Variants in PPP2R2B observed in about 807,000 individuals in gnomAD.
PPP2R2B encodes serine/threonine-protein phosphatase 2A 55 kDa regulatory subunit B beta isoform.
PPP2R2B carries 5 observed loss-of-function variants against 46.0 expected under a neutral mutation model. The observed-to-expected ratio is 0.11, with a 90% CI of 0.06 to 0.23. The LOEUF is 0.23. Among genes scored for constraint, PPP2R2B ranks in the 10% least tolerant of loss-of-function variants. The pLI, the probability that PPP2R2B is intolerant of heterozygous loss-of-function variation, is 1.00. For synonymous variants in PPP2R2B, 215 were observed against 206.7 expected, an observed-to-expected ratio of 1.04 and a Z score of -0.34; for missense variants, 367 against 575.0, an observed-to-expected ratio of 0.64 and a Z score of 3.70.
intron 1 of PPP2R2B, among the ~76,000 whole-genome samples, chr5:146,912,258 A>T (rs1582410108): frequency 6.6e-6 from 1 of 151,284 alleles, no homozygotes. Flanking sequence ...AAAAAAAAAA[A>T]AAAGTTCCCT....
chr5:146,720,928 CTT>C (rs1356333390), intron 2 of PPP2R2B, among the ~76,000 whole-genome samples: 3 of 152,166 alleles, frequency 2.0e-5, no homozygotes, highest in African/African-American at 7.2e-5. Context: ...TCTCTTGAGA[CTT>C]TTCATGATAA....
At chr5:146,881,527 G>A (rs1762168156), upstream of PPP2R2B, among the ~76,000 whole-genome samples, 2 of 151,944 alleles carry the variant, frequency 1.3e-5, no homozygotes, top group Non-Finnish European at 2.9e-5. Flanking sequence ...AGTCTCATGC[G>A]TCAGACTCCT....
At chr5:146,836,321 A>G (rs1759280545) in intron 2 of PPP2R2B, among the ~76,000 whole-genome samples, 1 of 152,162 alleles carries the variant, frequency 6.6e-6, no homozygotes. Flanking sequence ...CTTACAATGT[A>G]CAGTTTGGCT....
chr5:146,845,054 T>C (rs1189804765), intron 2 of PPP2R2B, among the ~76,000 whole-genome samples: 1 of 152,180 alleles, frequency 6.6e-6, no homozygotes, highest in Non-Finnish European at 1.5e-5. Flanking sequence ...CCTCACCAGC[T>C]TTCAGCCATG....
intron 5 of PPP2R2B, among the ~76,000 whole-genome samples, chr5:146,677,626 C>G (rs1268049056): frequency 6.9e-6 from 1 of 145,032 alleles, no homozygotes; most frequent in Non-Finnish European, 1.5e-5. Flanking sequence ...GCACCAGGCT[C>G]AAGTAGTTCT....
chr5:146,832,702 T>C (rs1183092056), intron 2 of PPP2R2B, among the ~76,000 whole-genome samples: 2 of 152,064 alleles, frequency 1.3e-5, no homozygotes, highest in African/African-American at 2.4e-5. Context: ...TTTTTAATCA[T>C]TTATATCATA....
rs370335974 is a variant in PPP2R2B, at chr5:146,816,026, G to A, written c.70+61976C>T. On this transcript the variant is annotated intron_variant, in intron 2 of 9. Coordinates refer to ENST00000394411, the MANE Select transcript of PPP2R2B (RefSeq NM_181675.4). ...GCTCCAGATTAAAGTTCTTTCAGCCGTTCCTAATATCAAGATTATGAAACC... is the reference window on the plus strand; with the variant it reads ...GCTCCAGATTAAAGTTCTTTCAGCCATTCCTAATATCAAGATTATGAAACC... Among the ~76,000 whole-genome samples, 23 of 152,180 alleles carry A rather than the reference G, an allele frequency of 1.5e-4. No individual in the cohort carries two copies. In the South Asian group the frequency reaches 2.1e-3, roughly 14 times the overall value.
intron 2 of PPP2R2B, among the ~76,000 whole-genome samples, chr5:146,764,856 A>T (rs1012533282): frequency 6.6e-6 from 1 of 152,082 alleles, no homozygotes. Flanking sequence ...GCACACGCAC[A>T]CGTACTCTGC....
intron 7 of PPP2R2B, 46 bp downstream of exon 7, chr5:146,638,205 T>A: frequency 6.3e-7 from 1 of 1,583,058 alleles, no homozygotes; most frequent in Non-Finnish European, 8.6e-7. Flanking sequence ...CCCAGCACAT[T>A]GGGGCCAGTG....
intron 7 of PPP2R2B, among the ~76,000 whole-genome samples, chr5:146,629,868 C>T (rs528298032): frequency 1.3e-5 from 2 of 152,038 alleles, no homozygotes; most frequent in Non-Finnish European, 2.9e-5. Context: ...GGCTAGAGTG[C>T]AGTGGCACAA....
chr5:146,708,368 A>C (rs919172185), intron 2 of PPP2R2B, among the ~76,000 whole-genome samples: 7 of 150,478 alleles, frequency 4.7e-5, no homozygotes, highest in South Asian at 2.1e-4. Flanking sequence ...AAAAAAAAAA[A>C]AACACTGTAT....
chr5:146,886,922 T>C (rs1322427185), intron 1 of PPP2R2B, among the ~76,000 whole-genome samples: 2 of 151,806 alleles, frequency 1.3e-5, no homozygotes, highest in Non-Finnish European at 2.9e-5. Context: ...CACCAGGAAG[T>C]CAAGAGACAC....
At chr5:146,934,761 CT>C (rs35055298) in intron 1 of PPP2R2B, among the ~76,000 whole-genome samples, 148 of 144,606 alleles carry the variant, frequency 1.0e-3, no homozygotes, top group Middle Eastern at 3.6e-3. Flanking sequence ...AGACCAAACT[CT>C]TTTTTTTTTT....
chr5:147,068,272 C>T (rs899760237), intron 2 of PPP2R2B, among the ~76,000 whole-genome samples: 1 of 152,074 alleles, frequency 6.6e-6, no homozygotes, highest in Non-Finnish European at 1.5e-5. Context: ...CTACTACTTT[C>T]CCATTTTACA....
intron 2 of PPP2R2B, among the ~76,000 whole-genome samples, chr5:146,728,539 G>T (rs552812921): frequency 2.0e-5 from 3 of 152,062 alleles, no homozygotes; most frequent in Non-Finnish European, 4.4e-5. Flanking sequence ...TCCTGTCTTC[G>T]TGTGGAGCAA....
chr5:146,899,761 T>A (rs1016479017), intron 1 of PPP2R2B, among the ~76,000 whole-genome samples: 3 of 152,102 alleles, frequency 2.0e-5, no homozygotes, highest in Non-Finnish European at 4.4e-5. Flanking sequence ...AATAAGGAAA[T>A]TATTAAAGAA....
At chr5:146,707,205 C>T in intron 2 of PPP2R2B, 1 of 1,569,248 alleles carries the variant, frequency 6.4e-7, no homozygotes, top group African/African-American at 1.3e-5. Context: ...ATATGTTGTC[C>T]ATGTTGCTCC....
chr5:146,859,197 GA>G (rs1561965180), intron 2 of PPP2R2B, among the ~76,000 whole-genome samples: 2 of 152,152 alleles, frequency 1.3e-5, no homozygotes, highest in African/African-American at 2.4e-5. Flanking sequence ...TTTTCTCACT[GA>G]AAAAATGAGA....
intron 2 of PPP2R2B, among the ~76,000 whole-genome samples, chr5:146,732,927 A>G (rs144758034): frequency 7.5e-4 from 114 of 152,360 alleles, no homozygotes; most frequent in African/African-American, 2.5e-3. Context: ...TCTAAAGCCC[A>G]TCTTCTGCTA....
Sources: gnomAD v4.1 joint callset for allele counts (sites outside exome capture counted in the v4.1 genomes callset) on GRCh38, gnomAD v4.1.1 for gene constraint, MANE v1.5 for transcripts, NCBI Gene and HGNC (gene_info 2026-07-23, HGNC 2026-07-21) for gene names.